Variants in RIC1 observed in about 807,000 individuals in gnomAD.
RIC1 encodes guanine nucleotide exchange factor subunit RIC1.
Under a neutral mutation model 169.0 loss-of-function variants are expected in RIC1, and 88 were observed. The ratio of observed to expected loss-of-function variants is 0.52; its 90% CI spans 0.44 to 0.62. The LOEUF (loss-of-function observed/expected upper bound fraction) is 0.62. Ranked by LOEUF, RIC1 falls within the 20% of genes least tolerant of loss-of-function variation. The pLI is 0.00. For missense variants in RIC1, 1,877 were observed against 1,725.5 expected, an observed-to-expected ratio of 1.09 and a Z score of -1.56; for synonymous variants, 790 against 601.5, an observed-to-expected ratio of 1.31 and a Z score of -4.59.
At chr9:5,672,062 G>A (rs1035413810) in intron 2 of RIC1, among the ~76,000 whole-genome samples, 2 of 152,198 alleles carry the variant, frequency 1.3e-5, no homozygotes, top group African/African-American at 4.8e-5. Context: ...CTCATGGTCT[G>A]AGGAAGCCGG....
chr9:5,753,113 A>C (rs1297298310), intron 12 of RIC1, 87 bp from the exon 13 acceptor site: 6 of 1,208,652 alleles, frequency 5.0e-6, no homozygotes, highest in Non-Finnish European at 7.4e-6. Flanking sequence ...TTGTTCGGCA[A>C]GATGAATCTC....
At chr9:5,741,710 TA>T (rs1395542449) in intron 8 of RIC1, among the ~76,000 whole-genome samples, 1 of 152,212 alleles carries the variant, frequency 6.6e-6, no homozygotes, top group Non-Finnish European at 1.5e-5. Flanking sequence ...TCATTGGCTA[TA>T]AAAAGCAGTT....
rs145820449 is a variant in RIC1, at chr9:5,749,204, C to T, written c.1452+1699C>T. Among the ~76,000 whole-genome samples, 431 of 152,226 alleles carry T rather than the reference C, an allele frequency of 2.8e-3. 1 individual carries two copies. Among genetic ancestry groups the T allele is most frequent in the Middle Eastern group, 0.024 (7 of 294 alleles). ...GTAAAAATCTAATGTATTTTAAAACCGAGGTACTGAGCATTAAATCACATA... is the reference window on the plus strand; with the variant it reads ...GTAAAAATCTAATGTATTTTAAAACTGAGGTACTGAGCATTAAATCACATA... On this transcript the variant is annotated intron_variant, in intron 12 of 25. Transcript: ENST00000414202.
At chr9:5,739,052 T>C (rs907001293) in intron 8 of RIC1, among the ~76,000 whole-genome samples, 1 of 152,172 alleles carries the variant, frequency 6.6e-6, no homozygotes, top group African/African-American at 2.4e-5. Flanking sequence ...AGTGCAATTA[T>C]AGGGTTCTTC....
At chr9:5,714,072 C>T in intron 4 of RIC1, 69 bp downstream of exon 4, 1 of 945,804 alleles carries the variant, frequency 1.1e-6, no homozygotes. Context: ...AATCCCATGA[C>T]CAACAGGAAA....
chr9:5,710,874 A>G (rs1250025985), intron 3 of RIC1, among the ~76,000 whole-genome samples: 1 of 152,188 alleles, frequency 6.6e-6, no homozygotes, highest in Non-Finnish European at 1.5e-5. Flanking sequence ...TTCCCTGGAT[A>G]TAGAATAAAA....
chr9:5,759,083 A>G (rs1341887332), intron 17 of RIC1, among the ~76,000 whole-genome samples: 1 of 152,140 alleles, frequency 6.6e-6, no homozygotes, highest in Non-Finnish European at 1.5e-5. Context: ...TTCTCCTTTA[A>G]AATATAGTTC....
chr9:5,765,595 C>T (rs199856707), intron 20 of RIC1, 23 bp downstream of exon 20: 43 of 1,613,814 alleles, frequency 2.7e-5, no homozygotes, highest in Admixed American at 2.2e-4. Flanking sequence ...AGTTACACAT[C>T]TTCTCTAGGC....
intron 2 of RIC1, among the ~76,000 whole-genome samples, chr9:5,664,836 G>A (rs544040956): frequency 6.6e-5 from 10 of 151,992 alleles, no homozygotes; most frequent in African/African-American, 2.2e-4. Context: ...ATTCTTGTCC[G>A]CTTATCTTAT....
chr9:5,750,000 A>C (rs1042815635), intron 12 of RIC1, among the ~76,000 whole-genome samples: 3 of 151,636 alleles, frequency 2.0e-5, no homozygotes, highest in African/African-American at 7.3e-5. Context: ...GCTGGTCTCA[A>C]ACTCCTGACC....
At chr9:5,713,689 T>G (rs1288190456) in intron 3 of RIC1, 1 of 327,568 alleles carries the variant, frequency 3.1e-6, no homozygotes, top group Non-Finnish European at 5.6e-6. Flanking sequence ...CTAACACAAA[T>G]TACATTGGTC....
intron 2 of RIC1, among the ~76,000 whole-genome samples, chr9:5,674,213 G>T (rs557024170): frequency 6.6e-6 from 1 of 152,066 alleles, no homozygotes; most frequent in African/African-American, 2.4e-5. Context: ...GTTACTTTCT[G>T]TGTTTCTTGG....
chr9:5,679,889 T>C (rs908883760), intron 2 of RIC1, among the ~76,000 whole-genome samples: 1 of 151,950 alleles, frequency 6.6e-6, no homozygotes, highest in Non-Finnish European at 1.5e-5. Context: ...TGAATAGGAG[T>C]GGTGAGAGAG....
chr9:5,727,834 A>T (rs995550679), intron 6 of RIC1, among the ~76,000 whole-genome samples: 1 of 152,210 alleles, frequency 6.6e-6, no homozygotes, highest in African/African-American at 2.4e-5. Context: ...CCTGGGTATC[A>T]CTAGCGGAGG....
intron 14 of RIC1, among the ~76,000 whole-genome samples, chr9:5,754,604 T>C (rs1825897200): frequency 6.6e-6 from 1 of 152,074 alleles, no homozygotes; most frequent in South Asian, 2.1e-4. Flanking sequence ...GGAGCATGCT[T>C]GTAATCCCAG....
At chr9:5,737,193 A>G (rs1280834008) in intron 7 of RIC1, among the ~76,000 whole-genome samples, 1 of 152,170 alleles carries the variant, frequency 6.6e-6, no homozygotes, top group Non-Finnish European at 1.5e-5. Context: ...CAGAAATGAG[A>G]CTTTTCTGTT....
At chr9:5,760,708 G>C (rs1222059372) in intron 17 of RIC1, among the ~76,000 whole-genome samples, 4 of 152,098 alleles carry the variant, frequency 2.6e-5, no homozygotes, top group Non-Finnish European at 2.9e-5. Flanking sequence ...TTACTTTCTG[G>C]ATAGATAACC....
chr9:5,692,497 A>G (rs999565266), intron 3 of RIC1, among the ~76,000 whole-genome samples: 14 of 152,016 alleles, frequency 9.2e-5, no homozygotes, highest in African/African-American at 3.1e-4. Context: ...TATCTACTTG[A>G]TATTTTACTT....
In RIC1 at chr9:5,747,531, G is replaced by A. The variant is rs1425725216; in HGVS notation, c.1452+26G>A. ...GTAAATCTTTAGTTACTGATTACTA[G>A]AGACTTATTCTTTGATAGGATATCA... On this transcript the variant is annotated intron_variant, in intron 12 of 25. Coordinates refer to ENST00000414202, the MANE Select transcript of RIC1 (RefSeq NM_020829.4). The A allele has an allele frequency of 3.2e-6, 5 of 1,562,164 alleles. No homozygotes were observed. In the African/African-American group the frequency reaches 4.1e-5, roughly 13 times the overall value.
Sources: allele counts gnomAD v4.1 joint callset (sites outside exome capture counted in the v4.1 genomes callset), GRCh38; gene constraint gnomAD v4.1.1; transcripts MANE v1.5; gene names NCBI Gene and HGNC (gene_info 2026-07-23, HGNC 2026-07-21).